The following RALYL variants were observed in gnomAD, a reference collection of about 807,000 sequenced individuals.
RALYL encodes the protein RALY RNA binding protein like, also known as RNA-binding Raly-like protein.
Under a neutral mutation model 35.1 loss-of-function variants are expected in RALYL, and 29 were observed. That is an observed-to-expected ratio of 0.83 (90% CI 0.61 to 1.13). The LOEUF (loss-of-function observed/expected upper bound fraction) is 1.13. Ranked by LOEUF, RALYL falls within the 50% of genes most tolerant of loss-of-function variation. RALYL has a pLI of 0.00. For synonymous variants in RALYL, 120 were observed against 127.6 expected, an observed-to-expected ratio of 0.94 and a Z score of 0.40; for missense variants, 359 against 360.4, an observed-to-expected ratio of 1.00 and a Z score of 0.03.
At chr8:84,311,154 A>C (rs951717692) in intron 1 of RALYL, among the ~76,000 whole-genome samples, 1 of 150,072 alleles carries the variant, frequency 6.7e-6, no homozygotes, top group Non-Finnish European at 1.5e-5. Context: ...TGTATAATCA[A>C]CTGTAAAAAG....
chr8:84,618,078 G>T (rs948657815), intron 2 of RALYL, among the ~76,000 whole-genome samples: 1 of 151,546 alleles, frequency 6.6e-6, no homozygotes, highest in Admixed American at 6.6e-5. Flanking sequence ...TCTCTGCCCG[G>T]CTTTGGTATC....
intron 1 of RALYL, among the ~76,000 whole-genome samples, chr8:84,257,142 G>A (rs1831358899): frequency 2.6e-5 from 4 of 151,776 alleles, no homozygotes; most frequent in Admixed American, 2.6e-4. Flanking sequence ...TTACTCTTGA[G>A]TATAAACTTT....
At chr8:84,306,631 GC>G (rs1470617831) in intron 1 of RALYL, among the ~76,000 whole-genome samples, 2 of 152,088 alleles carry the variant, frequency 1.3e-5, no homozygotes, top group African/African-American at 4.8e-5. Context: ...CAAATGTTGG[GC>G]CCCCTTGTCT....
At chr8:84,826,560 GCTCT>G (rs1206367865) in intron 4 of RALYL, among the ~76,000 whole-genome samples, 6 of 152,074 alleles carry the variant, frequency 3.9e-5, no homozygotes, top group Non-Finnish European at 8.8e-5. Flanking sequence ...GTATGAGACT[GCTCT>G]CTATTTGGGA....
intron 2 of RALYL, among the ~76,000 whole-genome samples, chr8:84,619,914 T>C (rs1001127707): frequency 3.3e-5 from 5 of 151,308 alleles, no homozygotes; most frequent in African/African-American, 1.2e-4. Flanking sequence ...GAATGTTGAA[T>C]ATTGGCCCCC....
intron 1 of RALYL, among the ~76,000 whole-genome samples, chr8:84,213,171 A>T (rs2131194412): frequency 6.6e-6 from 1 of 152,190 alleles, no homozygotes; most frequent in Non-Finnish European, 1.5e-5. Context: ...CGGGCGGGTC[A>T]CCTGAGGTCA....
At position 84,338,785 on chromosome 8, in the gene RALYL, T is replaced by A. The variant is rs182787940; in HGVS notation, c.-24+154361T>A. ...CATATTTTAATGTAAATTACACTGA[T>A]AATAATTTAGAATACCACTAATAGA... On this transcript the variant is annotated intron_variant, in intron 1 of 8. Transcript: ENST00000521268. Among the ~76,000 whole-genome samples the A allele has an allele frequency of 3.2e-3, 490 of 152,228 alleles. 1 individual carries two copies. Among genetic ancestry groups the A allele is most frequent in the Non-Finnish European group, 5.2e-3 (354 of 67,980 alleles).
At chr8:84,753,531 ATTCCCAGTG>A (rs1230404303) in intron 2 of RALYL, among the ~76,000 whole-genome samples, 1 of 152,292 alleles carries the variant, frequency 6.6e-6, no homozygotes, top group East Asian at 1.9e-4. Flanking sequence ...TCGAAATGTA[ATTCCCAGTG>A]TTAGAGATGG....
intron 8 of RALYL, among the ~76,000 whole-genome samples, chr8:84,910,347 TCATA>T: frequency 6.6e-6 from 1 of 152,258 alleles, no homozygotes; most frequent in East Asian, 1.9e-4. Flanking sequence ...ACTCTGTTAG[TCATA>T]CTATCAAAGT....
At chr8:84,903,049 AT>A (rs1240479796) in intron 8 of RALYL, among the ~76,000 whole-genome samples, 3 of 151,792 alleles carry the variant, frequency 2.0e-5, no homozygotes, top group Admixed American at 1.3e-4. Flanking sequence ...TGAGACTCTT[AT>A]TTTTTTTAAC....
intron 1 of RALYL, among the ~76,000 whole-genome samples, chr8:84,232,830 G>C (rs964101254): frequency 3.9e-5 from 6 of 151,974 alleles, no homozygotes; most frequent in Non-Finnish European, 7.4e-5. Context: ...TATTATAACT[G>C]TGTGGAATTA....
At chr8:84,713,004 C>G (rs1374127640) in intron 2 of RALYL, among the ~76,000 whole-genome samples, 2 of 152,000 alleles carry the variant, frequency 1.3e-5, no homozygotes, top group Non-Finnish European at 2.9e-5. Context: ...ATTACCTGTA[C>G]TTTTGGGGAC....
At chr8:84,631,308 A>T (rs1823856252) in intron 2 of RALYL, among the ~76,000 whole-genome samples, 1 of 151,976 alleles carries the variant, frequency 6.6e-6, no homozygotes, top group Non-Finnish European at 1.5e-5. Context: ...CCGCCCAAAA[A>T]TCATTCAGTT....
At chr8:84,509,539 G>C (rs2057437142) in intron 1 of RALYL, among the ~76,000 whole-genome samples, 1 of 152,118 alleles carries the variant, frequency 6.6e-6, no homozygotes, top group African/African-American at 2.4e-5. Context: ...CAGCTTATCA[G>C]TTATTTGTTT....
At chr8:84,741,029 G>GT (rs1440398098) in intron 2 of RALYL, among the ~76,000 whole-genome samples, 1 of 151,936 alleles carries the variant, frequency 6.6e-6, no homozygotes, top group Non-Finnish European at 1.5e-5. Context: ...AGGATGGAGG[G>GT]TTTTTTAATA....
intron 1 of RALYL, among the ~76,000 whole-genome samples, chr8:84,320,895 G>A (rs2130381287): frequency 6.6e-6 from 1 of 152,024 alleles, no homozygotes; most frequent in South Asian, 2.1e-4. Context: ...GACCATCTAG[G>A]CATAAAAGAA....
chr8:84,336,976 A>C (rs1246170491), intron 1 of RALYL, among the ~76,000 whole-genome samples: 2 of 142,170 alleles, frequency 1.4e-5, no homozygotes, highest in Non-Finnish European at 3.2e-5. Flanking sequence ...GCACACTACT[A>C]GTGTTTGTAT....
intron 1 of RALYL, among the ~76,000 whole-genome samples, chr8:84,209,788 G>GCT: frequency 6.6e-6 from 1 of 152,144 alleles, no homozygotes; most frequent in Admixed American, 6.5e-5. Flanking sequence ...TGGCATTCAA[G>GCT]TATAGTGTTC....
intron 4 of RALYL, among the ~76,000 whole-genome samples, chr8:84,805,348 C>T (rs1248724365): frequency 6.6e-6 from 1 of 152,160 alleles, no homozygotes; most frequent in Admixed American, 6.6e-5. Context: ...CGAACGCTTG[C>T]CTGCTCTGAT....
Sources: gnomAD v4.1 joint callset for allele counts (sites outside exome capture counted in the v4.1 genomes callset) on GRCh38, gnomAD v4.1.1 for gene constraint, MANE v1.5 for transcripts, NCBI Gene and HGNC (gene_info 2026-07-23, HGNC 2026-07-21) for gene names.